TMC1: variants seen among roughly 807,000 people sequenced by gnomAD.
The protein encoded by TMC1 is transmembrane channel-like protein 1.
In TMC1, 84 loss-of-function variants were observed where a neutral mutation model predicts 105.8. That is an observed-to-expected ratio of 0.79 (90% CI 0.67 to 0.95). The LOEUF (loss-of-function observed/expected upper bound fraction) is 0.95, where lower values mean the gene tolerates loss of function less well. Ranked by LOEUF, TMC1 falls within the 40% of genes least tolerant of loss-of-function variation. The pLI, the probability that TMC1 is intolerant of heterozygous loss-of-function variation, is 0.00. For missense variants in TMC1, 817 were observed against 914.1 expected (o/e 0.89, Z 1.37); for synonymous variants, 315 against 311.5 (o/e 1.01, Z -0.12).
intron 5 of TMC1, among the ~76,000 whole-genome samples, chr9:72,653,983 T>C (rs1825849842): frequency 6.6e-6 from 1 of 152,252 alleles, no homozygotes; most frequent in African/African-American, 2.4e-5. Flanking sequence ...TTCTTTTTAT[T>C]GCTGAGTAGT....
At chr9:72,534,072 G>T (rs2132059481) in intron 1 of TMC1, among the ~76,000 whole-genome samples, 1 of 152,290 alleles carries the variant, frequency 6.6e-6, no homozygotes, top group South Asian at 2.1e-4. Context: ...GGCAGAGGTT[G>T]CAGTGAGCTG....
chr9:72,645,674 C>G (rs1825699205), intron 4 of TMC1, among the ~76,000 whole-genome samples: 1 of 152,186 alleles, frequency 6.6e-6, no homozygotes, highest in Non-Finnish European at 1.5e-5. Flanking sequence ...TGTTCCTGTT[C>G]ATTGTCACGA....
At chr9:72,535,044 TAGAGAG>T (rs10574679) in intron 1 of TMC1, among the ~76,000 whole-genome samples, 2 of 131,924 alleles carry the variant, frequency 1.5e-5, no homozygotes, top group Non-Finnish European at 3.4e-5. Flanking sequence ...ATGGATCTCT[TAGAGAG>T]AGAGAAAAAA....
At chr9:72,773,703 A>G (rs1176391914) in intron 13 of TMC1, among the ~76,000 whole-genome samples, 1 of 152,126 alleles carries the variant, frequency 6.6e-6, no homozygotes, top group African/African-American at 2.4e-5. Context: ...TACATTACTG[A>G]GGCCTCATGA....
At chr9:72,650,139 A>C (rs1370205427) in intron 5 of TMC1, among the ~76,000 whole-genome samples, 1 of 152,214 alleles carries the variant, frequency 6.6e-6, no homozygotes, top group Non-Finnish European at 1.5e-5. Context: ...GAAAATACAG[A>C]ATCCCACCAC....
At chr9:72,807,533 A>G (rs1415535362) in intron 18 of TMC1, among the ~76,000 whole-genome samples, 4 of 152,182 alleles carry the variant, frequency 2.6e-5, no homozygotes, top group Non-Finnish European at 5.9e-5. Flanking sequence ...GAACTCAGTA[A>G]ATCTTGGCCC....
chr9:72,727,881 TAAAC>T (rs1439348685), intron 8 of TMC1, among the ~76,000 whole-genome samples: 1 of 151,980 alleles, frequency 6.6e-6, no homozygotes, highest in Non-Finnish European at 1.5e-5. Context: ...GACAAAAAAA[TAAAC>T]AAACATAAAA....
intron 3 of TMC1, among the ~76,000 whole-genome samples, chr9:72,622,991 G>T (rs1825280321): frequency 6.6e-6 from 1 of 151,080 alleles, no homozygotes; most frequent in African/African-American, 2.4e-5. Flanking sequence ...GTCGGAGGTT[G>T]CAGGGAGCCG....
intron 4 of TMC1, among the ~76,000 whole-genome samples, chr9:72,639,614 T>C (rs1186905518): frequency 6.6e-6 from 1 of 152,212 alleles, no homozygotes; most frequent in Non-Finnish European, 1.5e-5. Context: ...TTCAGATATG[T>C]TGGCAGAGTC....
At chr9:72,739,339 G>A (rs914495613) in intron 8 of TMC1, among the ~76,000 whole-genome samples, 1 of 152,150 alleles carries the variant, frequency 6.6e-6, no homozygotes, top group Non-Finnish European at 1.5e-5. Context: ...TTGGAGATTA[G>A]ATTTCAACAT....
At chr9:72,757,603 G>A (rs1256771468) in intron 12 of TMC1, among the ~76,000 whole-genome samples, 2 of 152,152 alleles carry the variant, frequency 1.3e-5, no homozygotes, top group African/African-American at 4.8e-5. Context: ...ATATACACCT[G>A]TACATATAGC....
chr9:72,762,063 T>C (rs35655500), intron 12 of TMC1, among the ~76,000 whole-genome samples: 28,480 of 151,970 alleles, frequency 0.19, 2,844 homozygotes, highest in African/African-American at 0.23. Context: ...CAGGAAGAGC[T>C]TTTAGATGGT....
chr9:72,750,030 C>G (rs1432530037), intron 10 of TMC1, among the ~76,000 whole-genome samples: 1 of 152,162 alleles, frequency 6.6e-6, no homozygotes, highest in Non-Finnish European at 1.5e-5. Flanking sequence ...TTGCTTGAAA[C>G]TGTAAAGCAG....
intron 13 of TMC1, among the ~76,000 whole-genome samples, chr9:72,785,250 A>G (rs1828151410): frequency 1.3e-5 from 2 of 152,206 alleles, no homozygotes; most frequent in African/African-American, 4.8e-5. Flanking sequence ...CAGTTGGAAC[A>G]TGTTTCTTTT....
chr9:72,649,912 A>G (rs776679142), intron 5 of TMC1, among the ~76,000 whole-genome samples: 11 of 152,200 alleles, frequency 7.2e-5, no homozygotes, highest in Non-Finnish European at 1.3e-4. Flanking sequence ...TGCTCAGGCT[A>G]TCTTAATTGC....
At position 72,741,940 on chromosome 9, in the gene TMC1, A is replaced by G. The variant is rs1423027762; in HGVS notation, c.454-504A>G. Among the ~76,000 whole-genome samples, 13 of 152,284 alleles carry G rather than the reference A, an allele frequency of 8.5e-5. No homozygotes were observed. The South Asian group carries it at 2.7e-3, about 32-fold the overall frequency. ...AGTGTCTCATGTCATACAACTTACC[A>G]TCTTGTATTGAACTCACCTATTTGT... On this transcript the variant is annotated intron_variant, in intron 9 of 23. Coordinates refer to ENST00000297784, the MANE Select transcript of TMC1 (RefSeq NM_138691.3).
At chr9:72,805,744 C>T (rs1164033859) in intron 18 of TMC1, among the ~76,000 whole-genome samples, 1 of 151,708 alleles carries the variant, frequency 6.6e-6, no homozygotes, top group Admixed American at 6.6e-5. Flanking sequence ...GTGGTGATGA[C>T]TCTTAAGGAG....
rs781357493 is a variant in TMC1, at chr9:72,816,222, G to A, written c.1763+12G>A. The A allele has an allele frequency of 1.2e-6, 2 of 1,612,564 alleles. No homozygotes were observed. Among genetic ancestry groups the A allele is most frequent in the African/African-American group, 1.3e-5 (1 of 74,886 alleles). ...CAAGGCATGATCTGGTAGGCCAGCT[G>A]TTGGACAGCTTATCACTTACAGAAA... is the stretch of plus-strand genomic sequence containing the variant. On this transcript the variant is annotated intron_variant, in intron 19 of 23. Coordinates refer to ENST00000297784, the MANE Select transcript of TMC1 (RefSeq NM_138691.3).
At chr9:72,638,560 A>T (rs1309513478) in intron 4 of TMC1, among the ~76,000 whole-genome samples, 1 of 152,166 alleles carries the variant, frequency 6.6e-6, no homozygotes. Context: ...CCTATTCTGT[A>T]CAAAGGAGCT....
Sources: allele counts gnomAD v4.1 joint callset (sites outside exome capture counted in the v4.1 genomes callset), GRCh38; gene constraint gnomAD v4.1.1; transcripts MANE v1.5; gene names NCBI Gene and HGNC (gene_info 2026-07-23, HGNC 2026-07-21).